The following TMPRSS2 variants were observed in gnomAD, a reference collection of about 807,000 sequenced individuals.
TMPRSS2 encodes transmembrane serine protease 2.
TMPRSS2 carries 59 observed loss-of-function variants against 67.4 expected under a neutral mutation model. The observed-to-expected ratio is 0.88, with a 90% CI of 0.71 to 1.09. The LOEUF (loss-of-function observed/expected upper bound fraction) is 1.09. Among genes scored for constraint, TMPRSS2 ranks in the 50% least tolerant of loss-of-function variants. The pLI is 0.00. For synonymous variants in TMPRSS2, 257 were observed against 257.0 expected (o/e 1.00, Z 0.00); for missense variants, 668 against 642.7 (o/e 1.04, Z -0.43).
chr21:41,498,016 C>A, intron 2 of TMPRSS2, 103 bp downstream of exon 2: 1 of 895,146 alleles, frequency 1.1e-6, no homozygotes, highest in South Asian at 1.6e-5. Flanking sequence ...CCGGCGTTCC[C>A]TACAAATAGC....
At chr21:41,502,723 A>C (rs1363882880) in intron 1 of TMPRSS2, among the ~76,000 whole-genome samples, 1 of 152,220 alleles carries the variant, frequency 6.6e-6, no homozygotes, top group Non-Finnish European at 1.5e-5. Context: ...AATTGCATAC[A>C]CAATGATTGG....
chr21:41,464,687 G>A lies in TMPRSS2; in HGVS notation c.*1455C>T, dbSNP rs2091070648. ...AGAAGGGGCAATAAAGAAGGAAGAC[G>A]TTTTCACCATTACAACACCTTTTAG... On this transcript the variant is annotated 3_prime_UTR_variant, in exon 14 of 14. Transcript: ENST00000332149. 1 of 233,192 alleles carries A rather than the reference G, an allele frequency of 4.3e-6. No homozygotes were observed. Among genetic ancestry groups the A allele is most frequent in the Non-Finnish European group, 8.5e-6 (1 of 118,064 alleles). 14.4% of individuals were successfully genotyped at this position (233,192 alleles called of 1,614,324 possible). A position where few individuals can be genotyped will look rare whatever the true frequency, so the allele number is the denominator to read the frequency against.
intron 1 of TMPRSS2, among the ~76,000 whole-genome samples, chr21:41,500,516 C>G (rs574161851): frequency 2.6e-5 from 4 of 152,310 alleles, no homozygotes; most frequent in African/African-American, 9.6e-5. Context: ...AACTATAAAA[C>G]CCCAACAGCC....
chr21:41,494,387 G>A lies in TMPRSS2; in HGVS notation c.207C>T (p.Pro69=), dbSNP rs2146483127. The A allele has an allele frequency of 6.2e-7, 1 of 1,609,948 alleles. No individual in the cohort carries two copies. Residue 69 remains proline (P), a synonymous_variant, in exon 3 of 14, where the codon CCC becomes CCT. Coordinates refer to ENST00000332149, the MANE Select transcript of TMPRSS2 (RefSeq NM_005656.4). ...QASNPVVCTQ[P]KSPSGTVCTS... Reference sequence around the variant, plus strand: ...TGCACACTGTCCCGGATGGGGATTTGGGCTGCGTGCAGACGACGGGGTTGG... The same window carrying A: ...TGCACACTGTCCCGGATGGGGATTTAGGCTGCGTGCAGACGACGGGGTTGG...
chr21:41,507,962 G>T (rs974142174), intron 1 of TMPRSS2, 119 bp downstream of exon 1: 2 of 1,476,286 alleles, frequency 1.4e-6, no homozygotes, highest in Admixed American at 4.6e-5. Flanking sequence ...GCCGCGCCGC[G>T]CTCCTCACAC....
At chr21:41,490,181 G>A (rs1351958688) in intron 3 of TMPRSS2, among the ~76,000 whole-genome samples, 1 of 150,822 alleles carries the variant, frequency 6.6e-6, no homozygotes, top group Non-Finnish European at 1.5e-5. Flanking sequence ...CTAAAAGAGG[G>A]TCTTAAAATA....
Position 41,498,154 on chromosome 21 carries a change from C to A in TMPRSS2, c.-21G>T. 3 of 1,612,912 alleles carry A rather than the reference C, an allele frequency of 1.9e-6. No homozygotes were observed. The highest frequency in any genetic ancestry group is 2.5e-6 in the Non-Finnish European group (3 of 1,179,252). Reference sequence around the variant, plus strand: ...GCCATCTTGCTGTTATCAACAGCATCGAGTAATGATAGGTATCTGGAATGT... The same window carrying A: ...GCCATCTTGCTGTTATCAACAGCATAGAGTAATGATAGGTATCTGGAATGT... On this transcript the variant is annotated 5_prime_UTR_variant, in exon 2 of 14. Transcript: ENST00000332149.
chr21:41,507,905 G>A (rs2146520748), intron 1 of TMPRSS2, 176 bp downstream of exon 1: 1 of 1,493,032 alleles, frequency 6.7e-7, no homozygotes, highest in Non-Finnish European at 8.9e-7. Flanking sequence ...CCCGGGAGGC[G>A]CCCTGCCCGG....
At chr21:41,492,800 C>T (rs2091348030) in intron 3 of TMPRSS2, among the ~76,000 whole-genome samples, 1 of 152,222 alleles carries the variant, frequency 6.6e-6, no homozygotes, top group Non-Finnish European at 1.5e-5. Context: ...GTTCGTCTGC[C>T]TTCCTGGGTT....
intron 10 of TMPRSS2, among the ~76,000 whole-genome samples, chr21:41,471,531 G>A (rs1402877787): frequency 1.3e-5 from 2 of 152,128 alleles, no homozygotes; most frequent in Non-Finnish European, 2.9e-5. Flanking sequence ...TGTCAAGGGT[G>A]CTGCAGTGGG....
intron 3 of TMPRSS2, among the ~76,000 whole-genome samples, chr21:41,490,723 A>G (rs1056557822): frequency 4.6e-5 from 7 of 152,256 alleles, no homozygotes; most frequent in African/African-American, 1.7e-4. Context: ...GGCATGGCAG[A>G]GTCAGACGCT....
chr21:41,497,123 A>G (rs1205130940), intron 2 of TMPRSS2, among the ~76,000 whole-genome samples: 1 of 152,086 alleles, frequency 6.6e-6, no homozygotes, highest in Non-Finnish European at 1.5e-5. Flanking sequence ...GACAGGCATG[A>G]GCCACCACGC....
chr21:41,482,899 A>G (rs2091266945), intron 5 of TMPRSS2, among the ~76,000 whole-genome samples: 4 of 152,200 alleles, frequency 2.6e-5, no homozygotes, highest in African/African-American at 9.6e-5. Flanking sequence ...AACATCCTGA[A>G]AAGACCAAAA....
At chr21:41,491,001 G>C (rs539767738) in intron 3 of TMPRSS2, among the ~76,000 whole-genome samples, 2 of 152,136 alleles carry the variant, frequency 1.3e-5, no homozygotes, top group South Asian at 2.1e-4. Flanking sequence ...CTGAGGGCTC[G>C]ATGCCATACC....
intron 2 of TMPRSS2, among the ~76,000 whole-genome samples, chr21:41,495,778 T>C (rs2091376934): frequency 6.6e-6 from 1 of 152,014 alleles, no homozygotes; most frequent in South Asian, 2.1e-4. Context: ...CTGGGGCCCC[T>C]GACCCACTCA....
At chr21:41,472,035 T>A (rs458213) in intron 9 of TMPRSS2, 54 bp from the exon 10 acceptor site, 608,748 of 1,481,774 alleles carry the variant, frequency 0.41, 133,374 homozygotes, top group Non-Finnish European at 0.45. Context: ...GAGCTCTCAG[T>A]GGATGAACTT....
At chr21:41,482,114 T>TC (rs2091261813) in intron 5 of TMPRSS2, among the ~76,000 whole-genome samples, 1 of 152,092 alleles carries the variant, frequency 6.6e-6, no homozygotes, top group South Asian at 2.1e-4. Context: ...TAAAGTGCTC[T>TC]TTAAGAGAGC....
chr21:41,474,046 G>A (rs189060965), intron 8 of TMPRSS2, among the ~76,000 whole-genome samples: 3 of 3,486 alleles, frequency 8.6e-4, no homozygotes, highest in African/African-American at 4.4e-3. Context: ...GAGGGGGTGA[G>A]TGAGGAGGTG....
At chr21:41,473,267 C>A in intron 9 of TMPRSS2, 58 bp downstream of exon 9, 1 of 1,509,648 alleles carries the variant, frequency 6.6e-7, no homozygotes, top group Non-Finnish European at 8.9e-7. Context: ...CTCAAGGTCA[C>A]AGGGTGGCTG....
Sources: allele counts gnomAD v4.1 joint callset (sites outside exome capture counted in the v4.1 genomes callset), GRCh38; gene constraint gnomAD v4.1.1; transcripts MANE v1.5; gene names NCBI Gene and HGNC (gene_info 2026-07-23, HGNC 2026-07-21).